The following PLCE1 variants were observed in gnomAD, a reference collection of about 807,000 sequenced individuals.
PLCE1 encodes phospholipase C epsilon 1.
PLCE1 carries 119 observed loss-of-function variants against 242.8 expected under a neutral mutation model. That is an observed-to-expected ratio of 0.49 (90% CI 0.42 to 0.57). PLCE1 has a LOEUF of 0.57. Ranked by LOEUF, PLCE1 falls within the 20% of genes least tolerant of loss-of-function variation. The pLI is 0.00. For missense variants in PLCE1, 2,441 were observed against 2,788.8 expected, an observed-to-expected ratio of 0.88 and a Z score of 2.81; for synonymous variants, 945 against 1,017.4, an observed-to-expected ratio of 0.93 and a Z score of 1.35.
chr10:94,316,791 A>C, intron 29 of PLCE1, 35 bp downstream of exon 29: 1 of 1,476,350 alleles, frequency 6.8e-7, no homozygotes, highest in South Asian at 1.1e-5. Context: ...CACAGTAACG[A>C]CTCATTATGT....
intron 2 of PLCE1, among the ~76,000 whole-genome samples, chr10:94,092,126 A>G (rs577776001): frequency 5.6e-4 from 86 of 152,356 alleles, no homozygotes; most frequent in African/African-American, 2.0e-3. Context: ...TTTTAAAAGC[A>G]TGAATAGTAA....
At chr10:94,038,983 A>G (rs747075388) in intron 2 of PLCE1, among the ~76,000 whole-genome samples, 10 of 152,110 alleles carry the variant, frequency 6.6e-5, no homozygotes, top group Non-Finnish European at 1.3e-4. Context: ...GGACTTTCAT[A>G]CTGTTTGGTC....
Position 94,329,989 on chromosome 10 carries a change from A to T in PLCE1, c.*2046A>T, listed in dbSNP as rs2054140660. On this transcript the variant is annotated 3_prime_UTR_variant, in exon 33 of 33. Transcript: ENST00000371380. ...TGCACAATGCTGCTCCATTTTAAAA[A>T]TATTCCGGAAACACTTTATCAAGCC... The T allele has an allele frequency of 6.6e-6, 1 of 152,146 alleles. No homozygotes were observed. Among genetic ancestry groups the T allele is most frequent in the Non-Finnish European group, 1.5e-5 (1 of 68,032 alleles). The allele number at this position is 152,146 out of a possible 1,614,324, so 9.4% of individuals were successfully genotyped here. A position where few individuals can be genotyped will look rare whatever the true frequency, so the allele number is the denominator to read the frequency against.
At chr10:94,025,180 A>G (rs2061436054) in intron 1 of PLCE1, among the ~76,000 whole-genome samples, 1 of 152,148 alleles carries the variant, frequency 6.6e-6, no homozygotes, top group Non-Finnish European at 1.5e-5. Context: ...AGGGGCAGGA[A>G]AAGGGCAGAC....
chr10:94,123,422 T>C (rs1200775825), intron 2 of PLCE1, among the ~76,000 whole-genome samples: 1 of 152,186 alleles, frequency 6.6e-6, no homozygotes, highest in Non-Finnish European at 1.5e-5. Flanking sequence ...CTTTCCGGAG[T>C]TCTGTTTGGT....
At chr10:94,198,234 A>G (rs2048886488) in intron 4 of PLCE1, among the ~76,000 whole-genome samples, 1 of 152,140 alleles carries the variant, frequency 6.6e-6, no homozygotes, top group South Asian at 2.1e-4. Context: ...CTGGTCTGGG[A>G]TTATATGTAT....
intron 3 of PLCE1, among the ~76,000 whole-genome samples, chr10:94,132,676 T>C (rs1039144857): frequency 1.8e-4 from 27 of 151,514 alleles, no homozygotes; most frequent in South Asian, 6.3e-4. Context: ...TGAGGCCGGG[T>C]GCGGTGGCTC....
Position 94,262,714 on chromosome 10 carries a change from A to T in PLCE1, c.4035A>T (p.Glu1345Asp). 1 of 1,611,850 alleles carries T rather than the reference A, an allele frequency of 6.2e-7. No homozygotes were observed. Among genetic ancestry groups the T allele is most frequent in the Non-Finnish European group, 8.5e-7 (1 of 1,177,920 alleles). ...NCQGEHCTYD[E>D]ILSIIQKFEP... ...AAGGAGAACACTGCACTTATGATGA[A>T]ATCCTCAGCATCATCCAGGTTTGTG... The change falls in exon 14 of 33, where the codon GAA (glutamate) becomes GAT (aspartate). Residue 1345 changes from glutamate (E) to aspartate (D), a missense_variant. Glu to Asp is a conservative substitution (Grantham distance 45). Around this residue, in one of 5 missense-constraint regions of PLCE1, gnomAD observed 1,004 missense variants for 1,322.7 expected, o/e 0.76. Transcript: ENST00000371380.
Position 94,132,187 on chromosome 10 carries a change from T to C in PLCE1, c.1220T>C (p.Val407Ala). The stretch of plus-strand genomic sequence containing the variant: ...TGCTATTCACAGATCTACAATGCAG[T>C]GAGAAGAGAAGAAACAGAAAATACA... ...EAQWYPIYNAVRREETENTVG... is the reference protein window; with the variant it reads ...EAQWYPIYNAARREETENTVG... Residue 407 changes from valine to alanine, a missense_variant, in exon 3 of 33, where the codon GTG (valine) becomes GCG (alanine). Val to Ala is a moderately conservative substitution (Grantham distance 64). Transcript: ENST00000371380. 6.2e-7 allele frequency: 1 copy of C among 1,614,106 alleles called. No homozygotes were observed. Among genetic ancestry groups the C allele is most frequent in the Non-Finnish European group, 8.5e-7 (1 of 1,179,954 alleles).
At position 94,234,190 on chromosome 10, in the gene PLCE1, C is replaced by T; in HGVS notation, c.2092C>T (p.Pro698Ser). The change falls in exon 6 of 33, where the codon CCT (proline) becomes TCT (serine). Residue 698 changes from proline (P) to serine (S), a missense_variant. Physicochemically the swap from Pro to Ser is moderately conservative, Grantham distance 74. Transcript: ENST00000371380. ...GGTGGTGACACGTGCCCTGCACATC[C>T]CTGGCTGTAAGGTGGTTCCATTCTG... Reference protein sequence around the residue: ...RKVVTRALHIPGCKVVPFCGV... With the variant: ...RKVVTRALHISGCKVVPFCGV... 5 of 1,614,154 alleles carry T rather than the reference C, an allele frequency of 3.1e-6. No homozygotes were observed. Among genetic ancestry groups the T allele is most frequent in the Non-Finnish European group, 4.2e-6 (5 of 1,180,010 alleles).
intron 4 of PLCE1, among the ~76,000 whole-genome samples, chr10:94,212,002 C>T (rs1439312739): frequency 6.6e-6 from 1 of 152,162 alleles, no homozygotes; most frequent in Non-Finnish European, 1.5e-5. Context: ...TTGAGAAATA[C>T]TGAATATTAG....
Position 94,132,421 on chromosome 10 carries a change from G to A in PLCE1, c.1454G>A (p.Ser485Asn). ...TTGGGAGCAAGAAGTGGCCTTCTCA[G>A]TACTTTTGGAGGATCCACTGGACGA... ...TSLGARSGLL[S>N]TFGGSTGRMM... Residue 485 changes from serine to asparagine, a missense_variant, in exon 3 of 33, where the codon AGT becomes AAT. Coordinates refer to ENST00000371380, the MANE Select transcript of PLCE1 (RefSeq NM_016341.4). 1 of 1,614,150 alleles carries A rather than the reference G, an allele frequency of 6.2e-7. No homozygotes were observed. Among genetic ancestry groups the A allele is most frequent in the Non-Finnish European group, 8.5e-7 (1 of 1,180,024 alleles).
chr10:94,009,621 A>T (rs1232634065), intron 1 of PLCE1, among the ~76,000 whole-genome samples: 1 of 152,204 alleles, frequency 6.6e-6, no homozygotes, highest in Non-Finnish European at 1.5e-5. Context: ...AAAACAACTT[A>T]TTTACTTCCA....
At chr10:94,241,677 C>A (rs1341159356) in intron 7 of PLCE1, among the ~76,000 whole-genome samples, 1 of 151,726 alleles carries the variant, frequency 6.6e-6, no homozygotes, top group South Asian at 2.1e-4. Context: ...GTAATCCCAA[C>A]TACTCAGGAG....
At chr10:94,119,326 A>G (rs1442658437) in intron 2 of PLCE1, among the ~76,000 whole-genome samples, 1 of 152,092 alleles carries the variant, frequency 6.6e-6, no homozygotes, top group Non-Finnish European at 1.5e-5. Context: ...AAGGCAATGG[A>G]TGTCCTCAGG....
At chr10:94,162,231 G>T (rs1250915261) in intron 3 of PLCE1, among the ~76,000 whole-genome samples, 1 of 152,174 alleles carries the variant, frequency 6.6e-6, no homozygotes, top group Non-Finnish European at 1.5e-5. Context: ...AGAAGAAATG[G>T]TACCAGCTCC....
rs2050320418 is a variant in PLCE1, at chr10:94,236,233, T to C, written c.2420+113T>C. ...TGGACACCTCATCAAAACCTGCCAC[T>C]TTTATCATTAAGCCACACTTCTTTA... On this transcript the variant is annotated intron_variant, in intron 7 of 32. Transcript: ENST00000371380. 1.1e-5 allele frequency: 9 copies of C among 802,098 alleles called. No individual in the cohort carries two copies. The South Asian group carries it at 1.2e-4, about 10-fold the overall frequency. The allele number at this position is 802,098 out of a possible 1,614,324, so 49.7% of individuals were successfully genotyped here.
At chr10:94,047,325 A>G (rs991530820) in intron 2 of PLCE1, among the ~76,000 whole-genome samples, 1 of 152,212 alleles carries the variant, frequency 6.6e-6, no homozygotes. Context: ...GCCAGGGGCC[A>G]GAATTGCTTG....
chr10:94,312,519 A>G (rs530773323), intron 27 of PLCE1, among the ~76,000 whole-genome samples: 5 of 152,334 alleles, frequency 3.3e-5, no homozygotes, highest in African/African-American at 1.2e-4. Flanking sequence ...AAATTACACT[A>G]GGTCCTTCAA....
Sources: gnomAD v4.1 joint callset for allele counts (sites outside exome capture counted in the v4.1 genomes callset) on GRCh38, gnomAD v4.1.1 for gene constraint, gnomAD v4.1.1 regional missense constraint, MANE v1.5 for transcripts, NCBI Gene and HGNC (gene_info 2026-07-23, HGNC 2026-07-21) for gene names.